The following UBE2V2 variants were observed in gnomAD, a reference collection of about 807,000 sequenced individuals.
The protein encoded by UBE2V2 is ubiquitin-conjugating enzyme E2 variant 2.
Under a neutral mutation model 17.2 loss-of-function variants are expected in UBE2V2, and 9 were observed. The observed-to-expected ratio is 0.52, with a 90% CI of 0.32 to 0.91. UBE2V2 has a LOEUF of 0.91. UBE2V2 is among the 40% of genes least tolerant of loss of function. The pLI, the probability that UBE2V2 is intolerant of heterozygous loss-of-function variation, is 0.04. For missense variants in UBE2V2, 133 were observed against 182.6 expected, an observed-to-expected ratio of 0.73 and a Z score of 1.56; for synonymous variants, 61 against 57.5, an observed-to-expected ratio of 1.06 and a Z score of -0.28.
chr8:48,034,956 C>T (rs912358562), intron 1 of UBE2V2: 40 of 943,592 alleles, frequency 4.2e-5, no homozygotes, highest in Non-Finnish European at 5.0e-5. Flanking sequence ...TCCAGGTGGC[C>T]AGTTAGGACT....
intron 1 of UBE2V2, among the ~76,000 whole-genome samples, chr8:48,039,132 T>G (rs938597279): frequency 1.3e-5 from 2 of 152,036 alleles, no homozygotes; most frequent in Admixed American, 1.3e-4. Context: ...ACTCCTGCCC[T>G]CAGGTGATCC....
Position 48,035,120 on chromosome 8 carries a change from T to A in UBE2V2, c.17-7913T>A, listed in dbSNP as rs2154507445. 3 of 967,188 alleles carry A rather than the reference T, an allele frequency of 3.1e-6. No individual in the cohort carries two copies. The South Asian group carries it at 1.4e-4, about 47-fold the overall frequency. The allele number at this position is 967,188 out of a possible 1,614,324, so 59.9% of individuals were successfully genotyped here. A position where few individuals can be genotyped will look rare whatever the true frequency, so the allele number is the denominator to read the frequency against. On this transcript the variant is annotated intron_variant, in intron 1 of 3. Transcript: ENST00000523111. ...TCCCTATTTATTCTTTTTTTTTTTT[T>A]TTTTTTTTTTTTGGAGGTGGAGTCT...
At chr8:48,020,276 A>C (rs957369038) in intron 1 of UBE2V2, among the ~76,000 whole-genome samples, 1 of 151,894 alleles carries the variant, frequency 6.6e-6, no homozygotes, top group Non-Finnish European at 1.5e-5. Context: ...GGCTCAAACA[A>C]TTTTCCCTCC....
chr8:48,060,798 G>A lies in UBE2V2; in HGVS notation c.408G>A (p.Gln136=). ...CCAAAGAAAATATGAAGCTTCCACA[G>A]CCACCAGAAGGACAAACATACAACA... ...MMSKENMKLP[Q]PPEGQTYNN Residue 136 remains glutamine (Q), a synonymous_variant, in exon 4 of 4, where the codon CAG becomes CAA. Transcript: ENST00000523111. The A allele has an allele frequency of 6.5e-7, 1 of 1,548,000 alleles. No individual in the cohort carries two copies.
upstream of UBE2V2, among the ~76,000 whole-genome samples, chr8:48,006,812 G>A (rs976527855): frequency 3.9e-5 from 6 of 152,172 alleles, no homozygotes; most frequent in East Asian, 3.9e-4. Flanking sequence ...AGCTATTTAC[G>A]ACAAACCCAC....
intron 3 of UBE2V2, among the ~76,000 whole-genome samples, chr8:48,060,151 A>G (rs1379319662): frequency 6.9e-6 from 1 of 144,962 alleles, no homozygotes; most frequent in Non-Finnish European, 1.5e-5. Context: ...CGGAAGTTGC[A>G]GTGAGCCAGG....
intron 1 of UBE2V2, among the ~76,000 whole-genome samples, chr8:48,024,833 G>A (rs959039093): frequency 1.3e-5 from 2 of 152,006 alleles, no homozygotes; most frequent in Non-Finnish European, 2.9e-5. Context: ...TAGAAAAAGC[G>A]ATTTCAGTGG....
At chr8:48,008,520 C>A (rs772278928) in intron 1 of UBE2V2, 50 bp downstream of exon 1, 1 of 1,540,914 alleles carries the variant, frequency 6.5e-7, no homozygotes, top group Admixed American at 2.0e-5. Flanking sequence ...CCCGGCTCTG[C>A]CCCTCCGTCT....
chr8:48,025,335 T>G (rs1447172318), intron 1 of UBE2V2, among the ~76,000 whole-genome samples: 2 of 151,704 alleles, frequency 1.3e-5, no homozygotes, highest in African/African-American at 4.8e-5. Flanking sequence ...TGGTGCGATC[T>G]CGGCTCACTG....
chr8:48,057,632 T>C (rs1237505002), intron 3 of UBE2V2, among the ~76,000 whole-genome samples: 1 of 151,968 alleles, frequency 6.6e-6, no homozygotes, highest in Non-Finnish European at 1.5e-5. Flanking sequence ...ATTTTTTTTT[T>C]CTCTTTTTTC....
intron 1 of UBE2V2, among the ~76,000 whole-genome samples, chr8:48,019,047 A>G (rs2091287241): frequency 6.6e-6 from 1 of 151,988 alleles, no homozygotes; most frequent in Admixed American, 6.6e-5. Flanking sequence ...CCTGGCCAAC[A>G]TGGCGAAATC....
intron 1 of UBE2V2, among the ~76,000 whole-genome samples, chr8:48,023,538 G>GGATAT (rs1276373716): frequency 6.6e-6 from 1 of 152,088 alleles, no homozygotes; most frequent in Non-Finnish European, 1.5e-5. Context: ...TGATAGAAGT[G>GGATAT]GATATGAGGC....
chr8:48,010,698 G>GTTTT, intron 1 of UBE2V2, among the ~76,000 whole-genome samples: 1 of 98,684 alleles, frequency 1.0e-5, no homozygotes, highest in Admixed American at 1.0e-4. Flanking sequence ...GGGTTTGTTT[G>GTTTT]TTTTTTTTTT....
upstream of UBE2V2, among the ~76,000 whole-genome samples, chr8:48,005,937 C>A (rs1184795418): frequency 1.3e-5 from 2 of 152,126 alleles, no homozygotes; most frequent in African/African-American, 4.8e-5. Flanking sequence ...GGATAGATTG[C>A]AAAAATTTTC....
upstream of UBE2V2, chr8:48,008,412 T>C: frequency 6.4e-7 from 1 of 1,557,388 alleles, no homozygotes; most frequent in African/African-American, 1.4e-5. Flanking sequence ...CGCGCGACGG[T>C]TCGTGCGTGC....
intron 1 of UBE2V2, among the ~76,000 whole-genome samples, chr8:48,026,058 A>G (rs2091342948): frequency 6.6e-6 from 1 of 152,076 alleles, no homozygotes; most frequent in South Asian, 2.1e-4. Flanking sequence ...TGTTATTCCT[A>G]AAGTGACCCT....
At chr8:48,006,737 C>T (rs1209997731), upstream of UBE2V2, among the ~76,000 whole-genome samples, 1 of 152,166 alleles carries the variant, frequency 6.6e-6, no homozygotes, top group Non-Finnish European at 1.5e-5. Flanking sequence ...CAAAATTCAA[C>T]AGCCCTTCAT....
chr8:47,997,452 A>G, the UBE2V2 span, among the ~76,000 whole-genome samples: 1 of 152,038 alleles, frequency 6.6e-6, no homozygotes, highest in Non-Finnish European at 1.5e-5. Flanking sequence ...AATCTTGCCA[A>G]TGGAAGTCAT....
chr8:48,016,918 T>C lies in UBE2V2; in HGVS notation c.16+8448T>C, dbSNP rs563716513. 1.1e-4 allele frequency among the ~76,000 whole-genome samples: 16 copies of C among 151,992 alleles called. No individual in the cohort carries two copies. In the South Asian group the frequency reaches 3.3e-3, roughly 32 times the overall value. On this transcript the variant is annotated intron_variant, in intron 1 of 3. Coordinates refer to ENST00000523111, the MANE Select transcript of UBE2V2 (RefSeq NM_003350.3). ...CTCCTGTCTTAGCCTCCCGAGTAGC[T>C]GGGATTACAGGCACCCGCCACCATG... is the stretch of plus-strand genomic sequence containing the variant.
Sources: allele counts gnomAD v4.1 joint callset (sites outside exome capture counted in the v4.1 genomes callset), GRCh38; gene constraint gnomAD v4.1.1; transcripts MANE v1.5; gene names NCBI Gene and HGNC (gene_info 2026-07-23, HGNC 2026-07-21).